Variants in PXDNL observed in about 807,000 individuals in gnomAD.
PXDNL encodes probable oxidoreductase PXDNL.
Under a neutral mutation model 150.8 loss-of-function variants are expected in PXDNL, and 145 were observed. The observed-to-expected ratio is 0.96, with a 90% confidence interval of 0.84 to 1.10. PXDNL has a LOEUF of 1.10. Ranked by LOEUF, PXDNL falls within the 50% of genes least tolerant of loss-of-function variation. The probability of loss-of-function intolerance (pLI) is 0.00; values close to 1 mark genes in which losing one functional copy is unlikely to be tolerated. For missense variants in PXDNL, 2,087 were observed against 1,873.9 expected (o/e 1.11, Z -2.10); for synonymous variants, 757 against 725.7 (o/e 1.04, Z -0.69).
intron 2 of PXDNL, among the ~76,000 whole-genome samples, chr8:51,597,080 T>C (rs2130668183): frequency 6.6e-6 from 1 of 152,350 alleles, no homozygotes; most frequent in African/African-American, 2.4e-5. Flanking sequence ...TTAATGTTTG[T>C]ACACAGTGAA....
intron 11 of PXDNL, among the ~76,000 whole-genome samples, chr8:51,447,655 C>T (rs1809706383): frequency 6.6e-6 from 1 of 152,186 alleles, no homozygotes; most frequent in Non-Finnish European, 1.5e-5. Context: ...GGCCATTGTA[C>T]TTTGCACTGC....
chr8:51,669,833 A>G (rs1184353785), intron 1 of PXDNL, among the ~76,000 whole-genome samples: 4 of 152,214 alleles, frequency 2.6e-5, no homozygotes, highest in Non-Finnish European at 5.9e-5. Flanking sequence ...TTTCACACAC[A>G]TTTAAAAAAA....
chr8:51,754,653 G>A (rs1027312717), intron 1 of PXDNL, among the ~76,000 whole-genome samples: 1 of 151,854 alleles, frequency 6.6e-6, no homozygotes, highest in African/African-American at 2.4e-5. Context: ...ACAGGCGCCC[G>A]CCACCATGCC....
At chr8:51,345,269 T>C (rs901906031) in intron 20 of PXDNL, among the ~76,000 whole-genome samples, 4 of 152,134 alleles carry the variant, frequency 2.6e-5, no homozygotes, top group Non-Finnish European at 4.4e-5. Flanking sequence ...TCCAAGTCAA[T>C]GGTAGGGAGA....
At chr8:51,620,670 A>G (rs1159864445) in intron 2 of PXDNL, among the ~76,000 whole-genome samples, 2 of 151,554 alleles carry the variant, frequency 1.3e-5, no homozygotes, top group African/African-American at 4.9e-5. Flanking sequence ...CAACCTCTCA[A>G]GTAGCTGGGA....
intron 2 of PXDNL, among the ~76,000 whole-genome samples, chr8:51,641,232 G>A (rs991670907): frequency 8.2e-6 from 1 of 121,652 alleles, no homozygotes; most frequent in Admixed American, 7.5e-5. Flanking sequence ...TTAAACGTTA[G>A]ACCTAAACCA....
At chr8:51,729,198 T>C (rs769063429) in intron 1 of PXDNL, among the ~76,000 whole-genome samples, 1 of 152,096 alleles carries the variant, frequency 6.6e-6, no homozygotes, top group Non-Finnish European at 1.5e-5. Context: ...AAAAACGCTA[T>C]GTGAAAGACA....
intron 17 of PXDNL, among the ~76,000 whole-genome samples, chr8:51,383,046 A>G (rs1434611597): frequency 6.6e-6 from 1 of 152,210 alleles, no homozygotes; most frequent in African/African-American, 2.4e-5. Context: ...TGCATATCCT[A>G]TATAAGTAAC....
intron 1 of PXDNL, among the ~76,000 whole-genome samples, chr8:51,674,588 G>A (rs1448307113): frequency 6.6e-6 from 1 of 152,200 alleles, no homozygotes; most frequent in Non-Finnish European, 1.5e-5. Context: ...CATGAGTTTA[G>A]CCTGGATGAA....
chr8:51,381,084 T>C (rs1003630578), intron 17 of PXDNL, among the ~76,000 whole-genome samples: 1 of 152,208 alleles, frequency 6.6e-6, no homozygotes, highest in African/African-American at 2.4e-5. Flanking sequence ...GTCTTGTAAA[T>C]TTCCTTGCCT....
At chr8:51,579,546 C>T (rs1031786470) in intron 3 of PXDNL, among the ~76,000 whole-genome samples, 2 of 151,876 alleles carry the variant, frequency 1.3e-5, no homozygotes, top group East Asian at 3.9e-4. Flanking sequence ...GTCTTTAAAA[C>T]CAAACATCCA....
rs551730518 is a variant in PXDNL, at chr8:51,635,637, T to C, written c.236+19052A>G. Among the ~76,000 whole-genome samples, 165 of 151,950 alleles carry C rather than the reference T, an allele frequency of 1.1e-3. 3 individuals are homozygous for C. In the South Asian group the frequency reaches 0.033, roughly 30 times the overall value. On this transcript the variant is annotated intron_variant, in intron 2 of 22. Transcript: ENST00000356297. ...GAGAAATTATTAGAAATAGACAAAT[T>C]ACAAAAACTGTCTCAAAAAAAGCAG...
intron 14 of PXDNL, among the ~76,000 whole-genome samples, chr8:51,416,041 G>A (rs1051133969): frequency 6.6e-6 from 1 of 152,196 alleles, no homozygotes; most frequent in South Asian, 2.1e-4. Context: ...GCACTGGCAT[G>A]TATGACTTGA....
chr8:51,554,324 A>T (rs1397840960), intron 4 of PXDNL, among the ~76,000 whole-genome samples: 1 of 152,084 alleles, frequency 6.6e-6, no homozygotes, highest in Non-Finnish European at 1.5e-5. Flanking sequence ...TGCTCTCTTG[A>T]GGCTGCCTCA....
chr8:51,697,420 C>T (rs1051446806), intron 1 of PXDNL, among the ~76,000 whole-genome samples: 1 of 151,998 alleles, frequency 6.6e-6, no homozygotes, highest in Non-Finnish European at 1.5e-5. Context: ...ATATTTAATA[C>T]AAGCATATAT....
chr8:51,359,114 G>A (rs576082894), intron 19 of PXDNL, among the ~76,000 whole-genome samples: 1 of 151,300 alleles, frequency 6.6e-6, no homozygotes, highest in African/African-American at 2.4e-5. Flanking sequence ...CTTCTGCTAG[G>A]TTTCTGCCAT....
intron 21 of PXDNL, among the ~76,000 whole-genome samples, chr8:51,336,124 G>A (rs994343710): frequency 2.0e-5 from 3 of 152,288 alleles, no homozygotes; most frequent in Middle Eastern, 3.4e-3. Flanking sequence ...TCTAAAGGAT[G>A]AGTCTCAAGA....
chr8:51,789,850 G>A (rs886220561), intron 1 of PXDNL, among the ~76,000 whole-genome samples: 18 of 152,018 alleles, frequency 1.2e-4, no homozygotes, highest in African/African-American at 4.4e-4. Flanking sequence ...GGGAACTTGT[G>A]TTACTTATCT....
At chr8:51,590,094 T>C (rs1375520932) in intron 3 of PXDNL, among the ~76,000 whole-genome samples, 1 of 152,132 alleles carries the variant, frequency 6.6e-6, no homozygotes, top group Admixed American at 6.5e-5. Flanking sequence ...ATTGGGTCTC[T>C]GCTTCCTGTG....
Sources: gnomAD v4.1 joint callset for allele counts (sites outside exome capture counted in the v4.1 genomes callset) on GRCh38, gnomAD v4.1.1 for gene constraint, MANE v1.5 for transcripts, NCBI Gene and HGNC (gene_info 2026-07-23, HGNC 2026-07-21) for gene names.